Variants in LRP3 observed in about 807,000 individuals in gnomAD.
LRP3 encodes the protein low-density lipoprotein receptor-related protein 3.
Under a neutral mutation model 58.5 loss-of-function variants are expected in LRP3, and 49 were observed. That is an observed-to-expected ratio of 0.84 (90% confidence interval 0.67 to 1.06). The LOEUF (loss-of-function observed/expected upper bound fraction) is 1.06, where lower values mean the gene tolerates loss of function less well. LRP3 is among the 50% of genes least tolerant of loss of function. The pLI is 0.00. For missense variants in LRP3, 1,019 were observed against 1,134.2 expected, an observed-to-expected ratio of 0.90 and a Z score of 1.46; for synonymous variants, 485 against 492.2, an observed-to-expected ratio of 0.99 and a Z score of 0.20.
At chr19:33,195,347 C>T (rs1042411683) in intron 1 of LRP3, among the ~76,000 whole-genome samples, 3 of 152,148 alleles carry the variant, frequency 2.0e-5, no homozygotes, top group Non-Finnish European at 4.4e-5. Context: ...CCTGTTTTCC[C>T]TTTGTGTCTC....
rs771855913 is a variant in LRP3, at chr19:33,205,815, G to A, written c.1045G>A (p.Ala349Thr). Residue 349 changes from alanine to threonine, a missense_variant, in exon 5 of 7, where the codon GCG becomes ACG. Physicochemically the swap from Ala to Thr is moderately conservative, Grantham distance 58. This residue lies in a region of LRP3 where 592 missense variants were observed against 725.5 expected (regional missense o/e 0.82). Coordinates refer to ENST00000253193, the MANE Select transcript of LRP3 (RefSeq NM_002333.4). ...AQGRLTVAYH[A>T]RARSAGHGFN... The stretch of plus-strand genomic sequence containing the variant: ...GGGCCGCCTCACTGTGGCCTACCAC[G>A]CGCGCGCCCGCAGCGCCGGCCACGG... The A allele has an allele frequency of 3.7e-5, 59 of 1,584,296 alleles. No individual in the cohort carries two copies. The highest frequency in any genetic ancestry group is 2.3e-5 in the East Asian group (1 of 44,264).
chr19:33,207,194 A>T lies in LRP3; in HGVS notation c.1932A>T (p.Pro644=). Residue 644 remains proline (P), a synonymous_variant, in exon 7 of 7, where the codon CCA becomes CCT. Transcript: ENST00000253193. ...GCGATGGCTTCCTCCAGCCTGCTCC[A>T]GGGGCTGCCCCCGACCCCCCAGCAC... The part of the protein sequence containing the change: ...VLGDGFLQPA[P]GAAPDPPAPL... The T allele has an allele frequency of 6.4e-7, 1 of 1,552,744 alleles. No homozygotes were observed. Among genetic ancestry groups the T allele is most frequent in the South Asian group, 1.2e-5 (1 of 84,944 alleles).
chr19:33,204,830 C>A lies in LRP3; in HGVS notation c.453C>A (p.Gly151=), dbSNP rs376223583. The change falls in exon 4 of 7, where the codon GGC becomes GGA. Residue 151 remains glycine (G), a synonymous_variant. Transcript: ENST00000253193. ...SDASSSGQAQ[G]FRLSYIRGKL... ...CCTCCAGCTCCGGCCAGGCCCAGGG[C>A]TTCCGTCTGTCTTACATCCGAGGTG... 21 of 1,613,500 alleles carry A rather than the reference C, an allele frequency of 1.3e-5. No individual in the cohort carries two copies. Among genetic ancestry groups the A allele is most frequent in the Non-Finnish European group, 1.7e-5 (20 of 1,179,966 alleles).
At chr19:33,206,558 C>T in intron 5 of LRP3, 43 bp from the exon 6 acceptor site, 1 of 1,594,662 alleles carries the variant, frequency 6.3e-7, no homozygotes, top group Non-Finnish European at 8.5e-7. Context: ...TGCTGCAGGT[C>T]CCGGGCAGCC....
chr19:33,198,214 G>A (rs563571682), intron 2 of LRP3, among the ~76,000 whole-genome samples: 1 of 152,296 alleles, frequency 6.6e-6, no homozygotes, highest in Admixed American at 6.5e-5. Context: ...GTGCTTCCCT[G>A]GGGACTAGGG....
chr19:33,199,131 C>G (rs1316172866), intron 2 of LRP3, among the ~76,000 whole-genome samples: 1 of 152,148 alleles, frequency 6.6e-6, no homozygotes, highest in African/African-American at 2.4e-5. Flanking sequence ...CACCTCCGAA[C>G]CCCTCCCTCT....
At chr19:33,195,161 TG>T (rs1974273137) in intron 1 of LRP3, among the ~76,000 whole-genome samples, 1 of 152,048 alleles carries the variant, frequency 6.6e-6, no homozygotes, top group African/African-American at 2.4e-5. Flanking sequence ...GCGCTGAGCC[TG>T]GAGACGAGGG....
intron 2 of LRP3, among the ~76,000 whole-genome samples, chr19:33,198,904 G>A (rs1355982107): frequency 6.6e-6 from 1 of 152,234 alleles, no homozygotes; most frequent in African/African-American, 2.4e-5. Context: ...TTTGGAAATT[G>A]GATCTGCAAA....
At chr19:33,200,418 A>G (rs1312020554) in intron 2 of LRP3, among the ~76,000 whole-genome samples, 2 of 152,034 alleles carry the variant, frequency 1.3e-5, no homozygotes, top group African/African-American at 2.4e-5. Context: ...TTTAGTAGAG[A>G]CAGGGTTTTG....
In LRP3 at chr19:33,206,661, A is replaced by T. The variant is rs1974415585; in HGVS notation, c.1653A>T (p.Pro551=). The change falls in exon 6 of 7, where the codon CCA becomes CCT. Residue 551 remains proline (P), a synonymous_variant. Transcript: ENST00000253193. The stretch of plus-strand genomic sequence containing the variant: ...AGTTCGTGCGGCGGGAGGCACCCCC[A>T]TCCTATGGTCAGCTCATCGCCCAGG... ...EAEFVRREAP[P]SYGQLIAQGL... is the part of the protein sequence containing the mutation. 6.3e-7 allele frequency: 1 copy of T among 1,588,994 alleles called. No individual in the cohort carries two copies. The highest frequency in any genetic ancestry group is 8.6e-7 in the Non-Finnish European group (1 of 1,167,914).
rs996908985 is a variant in LRP3 at position 33,207,750 on chromosome 19, G to A, written c.*175G>A. On this transcript the variant is annotated 3_prime_UTR_variant, in exon 7 of 7. Transcript: ENST00000253193. ...GTGGGCGGGAGCTGTGGGACTGAACGGCGGGGGGGAGAAGAGTGGAGTGGT... is the reference window on the plus strand; with the variant it reads ...GTGGGCGGGAGCTGTGGGACTGAACAGCGGGGGGGAGAAGAGTGGAGTGGT... 7.9e-6 allele frequency: 4 copies of A among 508,216 alleles called. No homozygotes were observed. Among genetic ancestry groups the A allele is most frequent in the African/African-American group, 2.9e-5 (1 of 34,306 alleles). 31.5% of individuals were successfully genotyped at this position (508,216 alleles called of 1,614,324 possible). A position where few individuals can be genotyped will look rare whatever the true frequency, so the allele number is the denominator to read the frequency against.
At chr19:33,206,535 CTGT>C (rs544977264) in intron 5 of LRP3, 63 bp from the exon 6 acceptor site, 365 of 1,589,620 alleles carry the variant, frequency 2.3e-4, no homozygotes, top group Admixed American at 1.9e-3. Flanking sequence ...TCCTGGAATC[CTGT>C]TGTTGTTCCT....
rs56886697 is a variant in LRP3, at chr19:33,207,755, G to A, written c.*180G>A. 1.1e-4 allele frequency: 67 copies of A among 598,874 alleles called. 2 individuals are homozygous for A. Among genetic ancestry groups the A allele is most frequent in the South Asian group, 5.6e-4 (28 of 50,424 alleles). 37.1% of individuals were successfully genotyped at this position (598,874 alleles called of 1,614,324 possible). On this transcript the variant is annotated 3_prime_UTR_variant, in exon 7 of 7. Transcript: ENST00000253193. ...CGGGAGCTGTGGGACTGAACGGCGG[G>A]GGGGAGAAGAGTGGAGTGGTGAGCC...
intron 3 of LRP3, chr19:33,204,416 C>A: frequency 1.7e-6 from 1 of 577,884 alleles, no homozygotes. Context: ...TGTCGCAATT[C>A]TTCATGGAGC....
chr19:33,201,579 T>C (rs571898715), intron 2 of LRP3, among the ~76,000 whole-genome samples: 9 of 152,128 alleles, frequency 5.9e-5, no homozygotes, highest in Non-Finnish European at 1.2e-4. Flanking sequence ...CAGAGAGAAC[T>C]TGGCTTGCAA....
chr19:33,204,951 C>A, intron 4 of LRP3, 99 bp downstream of exon 4: 1 of 1,155,508 alleles, frequency 8.7e-7, no homozygotes, highest in Non-Finnish European at 1.2e-6. Context: ...AGGGCCCCGG[C>A]TCCCTGTGGG....
chr19:33,201,733 C>T (rs1468041998), intron 2 of LRP3, among the ~76,000 whole-genome samples: 2 of 152,012 alleles, frequency 1.3e-5, no homozygotes, highest in East Asian at 3.9e-4. Context: ...TCAGATGGAC[C>T]AGCGTGGGGA....
At chr19:33,199,218 A>G (rs1056958629) in intron 2 of LRP3, among the ~76,000 whole-genome samples, 2 of 152,042 alleles carry the variant, frequency 1.3e-5, no homozygotes, top group African/African-American at 4.8e-5. Context: ...CCTGTCATGA[A>G]CCTCACCTCC....
chr19:33,198,724 C>T (rs935100590), intron 2 of LRP3, among the ~76,000 whole-genome samples: 2 of 152,220 alleles, frequency 1.3e-5, no homozygotes, highest in Non-Finnish European at 2.9e-5. Flanking sequence ...TGCATCCCCC[C>T]AGCCTCTGGG....
Sources: gnomAD v4.1 joint callset for allele counts (sites outside exome capture counted in the v4.1 genomes callset) on GRCh38, gnomAD v4.1.1 for gene constraint, gnomAD v4.1.1 regional missense constraint, MANE v1.5 for transcripts, NCBI Gene and HGNC (gene_info 2026-07-23, HGNC 2026-07-21) for gene names.